The following HS3ST5 variants were observed in gnomAD, a reference collection of about 807,000 sequenced individuals.
HS3ST5 encodes the protein heparan sulfate glucosamine 3-O-sulfotransferase 5.
Under a neutral mutation model 25.4 loss-of-function variants are expected in HS3ST5, and 10 were observed. The observed-to-expected ratio is 0.39, with a 90% CI of 0.24 to 0.67. The LOEUF (loss-of-function observed/expected upper bound fraction) is 0.67. Ranked by LOEUF, HS3ST5 falls within the 30% of genes least tolerant of loss-of-function variation. The probability of loss-of-function intolerance (pLI) is 0.44; values close to 1 mark genes in which losing one functional copy is unlikely to be tolerated. For missense variants in HS3ST5, 324 were observed against 420.7 expected, an observed-to-expected ratio of 0.77 and a Z score of 2.01; for synonymous variants, 170 against 162.4, an observed-to-expected ratio of 1.05 and a Z score of -0.36.
In HS3ST5 at chr6:114,136,282, C is replaced by T. The variant is rs1295874695; in HGVS notation, c.-33+32069G>A. ...TTAAATCATGGGGGCAGGTCTTTCC[C>T]ATGCTGTTCTTGTGATAGTGAATAA... On this transcript the variant is annotated intron_variant, in intron 3 of 4. Coordinates refer to ENST00000312719, the MANE Select transcript of HS3ST5 (RefSeq NM_153612.4). 1.6e-4 allele frequency among the ~76,000 whole-genome samples: 25 copies of T among 152,250 alleles called. 1 individual carries two copies. The East Asian group carries it at 4.6e-3, about 28-fold the overall frequency.
intron 3 of HS3ST5, among the ~76,000 whole-genome samples, chr6:114,159,533 G>C (rs1204426381): frequency 1.3e-5 from 2 of 152,174 alleles, no homozygotes; most frequent in African/African-American, 2.4e-5. Flanking sequence ...TGAGTCAGGA[G>C]AATGGTTATT....
In HS3ST5 at chr6:114,210,498, G is replaced by A. The variant is rs547547877; in HGVS notation, c.-145+18087C>T. On this transcript the variant is annotated intron_variant, in intron 2 of 4. Transcript: ENST00000312719. ...AATATGAACTGGATTAACAGGGGCT[G>A]CATTAAATGGCTTACTATGAACGCA... is the stretch of plus-strand genomic sequence containing the variant. Among the ~76,000 whole-genome samples, 9 of 152,324 alleles carry A rather than the reference G, an allele frequency of 5.9e-5. No individual in the cohort carries two copies. The South Asian group carries it at 1.9e-3, about 32-fold the overall frequency.
At chr6:114,290,146 G>A (rs1386558327) in intron 1 of HS3ST5, among the ~76,000 whole-genome samples, 1 of 152,056 alleles carries the variant, frequency 6.6e-6, no homozygotes, top group African/African-American at 2.4e-5. Flanking sequence ...TAAACCACAA[G>A]GTTTTTTGTG....
At chr6:114,247,832 T>C (rs984168052) in intron 1 of HS3ST5, among the ~76,000 whole-genome samples, 3 of 151,572 alleles carry the variant, frequency 2.0e-5, no homozygotes, top group East Asian at 3.9e-4. Flanking sequence ...GGTTAGAAAC[T>C]TGAATTTTTT....
intron 3 of HS3ST5, among the ~76,000 whole-genome samples, chr6:114,072,807 T>C (rs1773900255): frequency 6.6e-6 from 1 of 152,180 alleles, no homozygotes. Flanking sequence ...AAATTTCATA[T>C]GGAATCAAAA....
chr6:114,316,375 C>A (rs993607548), intron 1 of HS3ST5, among the ~76,000 whole-genome samples: 1 of 152,170 alleles, frequency 6.6e-6, no homozygotes, highest in African/African-American at 2.4e-5. Context: ...TAAGGACACT[C>A]ATAAAACAAA....
chr6:114,285,093 G>A (rs1774280700), intron 1 of HS3ST5, among the ~76,000 whole-genome samples: 1 of 151,990 alleles, frequency 6.6e-6, no homozygotes, highest in Admixed American at 6.6e-5. Flanking sequence ...ATTGAAATCA[G>A]GATCTTGAAG....
rs534347898 is a variant in HS3ST5 at position 114,247,979 on chromosome 6, C to A, written c.-338-19201G>T. The stretch of plus-strand genomic sequence containing the variant: ...CTTTGGGAGGCTGAGGCAGGTGGGT[C>A]ACCTGAGGTCAGGAGTTCGAGACCA... On this transcript the variant is annotated intron_variant, in intron 1 of 4. Coordinates refer to ENST00000312719, the MANE Select transcript of HS3ST5 (RefSeq NM_153612.4). Among the ~76,000 whole-genome samples the A allele has an allele frequency of 8.6e-5, 13 of 151,724 alleles. 1 individual carries two copies. The highest frequency in any genetic ancestry group is 4.2e-4 in the South Asian group (2 of 4,812).
At chr6:114,137,505 A>C (rs1421459411) in intron 3 of HS3ST5, among the ~76,000 whole-genome samples, 1 of 152,164 alleles carries the variant, frequency 6.6e-6, no homozygotes, top group East Asian at 1.9e-4. Context: ...TGAAATAGTT[A>C]ATATTAAGTT....
chr6:114,190,369 C>G (rs1029582381), intron 2 of HS3ST5, among the ~76,000 whole-genome samples: 4 of 152,192 alleles, frequency 2.6e-5, no homozygotes, highest in Non-Finnish European at 4.4e-5. Flanking sequence ...TAGAATTCAA[C>G]ATTCTGGGGT....
intron 3 of HS3ST5, among the ~76,000 whole-genome samples, chr6:114,080,564 G>A (rs1562188206): frequency 6.6e-6 from 1 of 152,190 alleles, no homozygotes; most frequent in South Asian, 2.1e-4. Context: ...ACTGGATAAA[G>A]AAAATGTGGT....
At chr6:114,194,255 C>T (rs752886014) in intron 2 of HS3ST5, among the ~76,000 whole-genome samples, 34 of 152,086 alleles carry the variant, frequency 2.2e-4, no homozygotes, top group Non-Finnish European at 4.6e-4. Context: ...AAGCTAGCTC[C>T]CTTTAGCTGA....
chr6:114,341,254 A>AGG (rs1157092237), intron 1 of HS3ST5, among the ~76,000 whole-genome samples: 7 of 149,792 alleles, frequency 4.7e-5, no homozygotes, highest in East Asian at 2.0e-4. Flanking sequence ...AGAGAGAGAG[A>AGG]GAGAGAGTGA....
intron 3 of HS3ST5, among the ~76,000 whole-genome samples, chr6:114,089,467 C>A (rs1328500834): frequency 6.6e-6 from 1 of 152,078 alleles, no homozygotes; most frequent in Non-Finnish European, 1.5e-5. Flanking sequence ...TGTCCTGGTC[C>A]CTTTCATACA....
intron 2 of HS3ST5, among the ~76,000 whole-genome samples, chr6:114,206,514 A>ACCAGATATCTGGCC (rs1781282807): frequency 6.6e-6 from 1 of 152,140 alleles, no homozygotes; most frequent in Admixed American, 6.6e-5. Context: ...GGATGCAGAA[A>ACCAGATATCTGGCC]CCAGATATCT....
chr6:114,282,844 T>C (rs1774179849), intron 1 of HS3ST5, among the ~76,000 whole-genome samples: 1 of 152,056 alleles, frequency 6.6e-6, no homozygotes. Flanking sequence ...ACAGAAAGTA[T>C]GTGAAGTCAC....
chr6:114,325,508 C>T (rs1188156540), intron 1 of HS3ST5, among the ~76,000 whole-genome samples: 1 of 152,102 alleles, frequency 6.6e-6, no homozygotes, highest in Non-Finnish European at 1.5e-5. Context: ...AACTGTTGAA[C>T]ATGTGAAACA....
In HS3ST5 at chr6:114,302,173, G is replaced by T. The variant is rs192099001; in HGVS notation, c.-339+40022C>A. On this transcript the variant is annotated intron_variant, in intron 1 of 4. Coordinates refer to ENST00000312719, the MANE Select transcript of HS3ST5 (RefSeq NM_153612.4). ...GTCACACATTCATTTTATGTGTGAT[G>T]ACCCTAGACACCCTTAATATATTTG... 1.3e-3 allele frequency among the ~76,000 whole-genome samples: 204 copies of T among 152,224 alleles called. 3 individuals are homozygous for T. Among genetic ancestry groups the T allele is most frequent in the Admixed American group, 0.012 (187 of 15,288 alleles).
chr6:114,104,735 AG>A (rs1480347179), intron 3 of HS3ST5, among the ~76,000 whole-genome samples: 1 of 152,234 alleles, frequency 6.6e-6, no homozygotes, highest in African/African-American at 2.4e-5. Flanking sequence ...ATACAGAAGA[AG>A]GAGAATACTT....
Sources: gnomAD v4.1 joint callset for allele counts (sites outside exome capture counted in the v4.1 genomes callset) on GRCh38, gnomAD v4.1.1 for gene constraint, MANE v1.5 for transcripts, NCBI Gene and HGNC (gene_info 2026-07-23, HGNC 2026-07-21) for gene names.